Variants in DZANK1 observed in about 807,000 individuals in gnomAD.
The protein encoded by DZANK1 is double zinc ribbon and ankyrin repeat-containing protein 1.
In DZANK1, 91 loss-of-function variants were observed where a neutral mutation model predicts 94.5. The observed-to-expected ratio is 0.96, with a 90% confidence interval of 0.81 to 1.15. The LOEUF (loss-of-function observed/expected upper bound fraction) is 1.15, where lower values mean the gene tolerates loss of function less well. DZANK1 is among the 50% of genes most tolerant of loss of function. DZANK1 has a pLI of 0.00. For missense variants in DZANK1, 903 were observed against 916.4 expected (o/e 0.99, Z 0.19); for synonymous variants, 312 against 325.3 (o/e 0.96, Z 0.44).
exon 4 of DZANK1, chr20:18,455,252 T>G (rs780570513): frequency 6.3e-7 from 1 of 1,599,796 alleles, no homozygotes; most frequent in South Asian, 1.1e-5. Flanking sequence ...CTTGCCTGCC[T>G]TGAAGAATCT....
chr20:18,398,210 G>C (rs998470602), intron 14 of DZANK1: 2 of 345,230 alleles, frequency 5.8e-6, no homozygotes, highest in South Asian at 7.9e-5. Context: ...TTAAGTGCAC[G>C]ATCTGGATGG....
chr20:18,455,402 C>A, intron 3 of DZANK1, 41 bp from the exon 4 acceptor site: 1 of 1,433,746 alleles, frequency 7.0e-7, no homozygotes, highest in Non-Finnish European at 9.5e-7. Flanking sequence ...CTGTGTTACA[C>A]AAAGATTTTT....
At chr20:18,446,068 A>AG in intron 7 of DZANK1, among the ~76,000 whole-genome samples, 1 of 151,496 alleles carries the variant, frequency 6.6e-6, no homozygotes, top group East Asian at 1.9e-4. Flanking sequence ...CCCAGCCAAA[A>AG]AAAAAAAAAA....
chr20:18,464,622 C>T (rs6111973), intron 2 of DZANK1, among the ~76,000 whole-genome samples: 35,347 of 150,212 alleles, frequency 0.24, 4,333 homozygotes, highest in East Asian at 0.36. Flanking sequence ...TTTATTATAC[C>T]AGCTAAATAA....
chr20:18,409,197 CT>C (rs1419051467), intron 13 of DZANK1, among the ~76,000 whole-genome samples: 6 of 151,976 alleles, frequency 3.9e-5, no homozygotes, highest in Non-Finnish European at 8.8e-5. Flanking sequence ...TAAAAAGAAG[CT>C]CAACAAGTTT....
At chr20:18,426,255 T>A (rs1170039134) in intron 10 of DZANK1, among the ~76,000 whole-genome samples, 1 of 152,198 alleles carries the variant, frequency 6.6e-6, no homozygotes, top group Non-Finnish European at 1.5e-5. Context: ...ATCTAACTCA[T>A]GACTGATGAT....
At chr20:18,390,922 A>G (rs1040440248) in intron 17 of DZANK1, among the ~76,000 whole-genome samples, 7 of 152,218 alleles carry the variant, frequency 4.6e-5, no homozygotes, top group African/African-American at 1.7e-4. Context: ...AAGGAGGGGC[A>G]TAGTAGCTCA....
intron 17 of DZANK1, among the ~76,000 whole-genome samples, chr20:18,391,893 C>A (rs1170525885): frequency 1.3e-5 from 2 of 152,178 alleles, no homozygotes; most frequent in African/African-American, 2.4e-5. Flanking sequence ...ATCAGTAAAC[C>A]CCCAGCAGGG....
chr20:18,443,664 G>A (rs2058783339), intron 7 of DZANK1, among the ~76,000 whole-genome samples, 200 bp from the exon 8 acceptor site: 2 of 152,176 alleles, frequency 1.3e-5, no homozygotes, highest in African/African-American at 4.8e-5. Flanking sequence ...CTTGCAACTG[G>A]ACCCTCTGGT....
At chr20:18,385,762 T>C (rs1454787469) in intron 19 of DZANK1, among the ~76,000 whole-genome samples, 1 of 152,084 alleles carries the variant, frequency 6.6e-6, no homozygotes, top group African/African-American at 2.4e-5. Flanking sequence ...CCTATTTTTG[T>C]GTGGGGAAAA....
intron 17 of DZANK1, among the ~76,000 whole-genome samples, chr20:18,391,178 G>A (rs980902293): frequency 2.6e-5 from 4 of 152,114 alleles, no homozygotes; most frequent in African/African-American, 9.7e-5. Context: ...GCAACACAGT[G>A]GGACTCTGTC....
chr20:18,423,518 A>G (rs146668512), intron 10 of DZANK1, among the ~76,000 whole-genome samples: 220 of 152,352 alleles, frequency 1.4e-3, no homozygotes, highest in Non-Finnish European at 1.9e-3. Context: ...CAACAATGAC[A>G]GAACACACAT....
At chr20:18,466,589 TAAA>T (rs2059663667) in intron 1 of DZANK1, among the ~76,000 whole-genome samples, 1 of 152,052 alleles carries the variant, frequency 6.6e-6, no homozygotes. Context: ...GCAGATAAAA[TAAA>T]AGTAGTTGAA....
intron 9 of DZANK1, among the ~76,000 whole-genome samples, chr20:18,431,175 C>T (rs889103134): frequency 6.6e-6 from 1 of 151,862 alleles, no homozygotes; most frequent in Non-Finnish European, 1.5e-5. Context: ...AAATAGGTAT[C>T]TTTGCCAAAG....
chr20:18,433,438 A>T, intron 9 of DZANK1: 1 of 497,814 alleles, frequency 2.0e-6, no homozygotes, highest in Non-Finnish European at 3.6e-6. Flanking sequence ...GCTACTCAGG[A>T]GGCTGAGGCA....
At chr20:18,419,702 T>C (rs75894616) in intron 10 of DZANK1, among the ~76,000 whole-genome samples, 2,768 of 152,206 alleles carry the variant, frequency 0.018, 93 homozygotes, top group African/African-American at 0.064. Context: ...TCTTTGAGAA[T>C]GAAGTTGAAA....
chr20:18,388,162 A>C (rs2048625152), intron 19 of DZANK1, among the ~76,000 whole-genome samples: 1 of 152,216 alleles, frequency 6.6e-6, no homozygotes, highest in Admixed American at 6.5e-5. Flanking sequence ...CCTGTGCTCT[A>C]CGTGAGAGAG....
chr20:18,439,710 C>T (rs1479090966), intron 8 of DZANK1, among the ~76,000 whole-genome samples: 1 of 152,188 alleles, frequency 6.6e-6, no homozygotes, highest in Admixed American at 6.5e-5. Flanking sequence ...GCAGCTGCTC[C>T]TCTCACTAAT....
intron 2 of DZANK1, 84 bp downstream of exon 2, chr20:18,465,166 G>A (rs867436373): frequency 1.1e-6 from 1 of 906,622 alleles, no homozygotes; most frequent in Middle Eastern, 2.3e-4. Context: ...TGAGAAAGCA[G>A]GCAAAGAGAT....
Sources: allele counts gnomAD v4.1 joint callset (sites outside exome capture counted in the v4.1 genomes callset), GRCh38; gene constraint gnomAD v4.1.1; transcripts MANE v1.5; gene names NCBI Gene and HGNC (gene_info 2026-07-23, HGNC 2026-07-21).